TSGA10: variants seen among roughly 807,000 people sequenced by gnomAD.
TSGA10 encodes the protein testis specific 10.
A neutral mutation model predicts 96.6 loss-of-function variants in TSGA10; 43 were observed. That is an observed-to-expected ratio of 0.44 (90% confidence interval 0.35 to 0.57). The LOEUF (loss-of-function observed/expected upper bound fraction) is 0.57, where lower values mean the gene tolerates loss of function less well. Ranked by LOEUF, TSGA10 falls within the 20% of genes least tolerant of loss-of-function variation. The pLI is 0.01. For missense variants in TSGA10, 703 were observed against 834.4 expected (o/e 0.84, Z 1.94); for synonymous variants, 229 against 269.9 (o/e 0.85, Z 1.48).
At chr2:99,059,893 G>A (rs1239340468) in intron 16 of TSGA10, among the ~76,000 whole-genome samples, 6 of 132,492 alleles carry the variant, frequency 4.5e-5, no homozygotes, top group South Asian at 4.8e-4. Flanking sequence ...CAGCCTGGGC[G>A]ACAGAGCGAG....
chr2:99,100,925 G>A (rs1455532047), intron 10 of TSGA10, among the ~76,000 whole-genome samples: 3 of 131,514 alleles, frequency 2.3e-5, no homozygotes, highest in Non-Finnish European at 3.2e-5. Flanking sequence ...TATTTTCTCA[G>A]TTAAAAAAAA....
At chr2:99,094,986 T>C (rs1285529763) in intron 10 of TSGA10, among the ~76,000 whole-genome samples, 1 of 152,146 alleles carries the variant, frequency 6.6e-6, no homozygotes, top group Admixed American at 6.6e-5. Flanking sequence ...TTCAAAAATA[T>C]GGAACCAGCC....
chr2:99,074,274 A>G (rs569413540), intron 12 of TSGA10, among the ~76,000 whole-genome samples: 1 of 151,856 alleles, frequency 6.6e-6, no homozygotes, highest in South Asian at 2.1e-4. Context: ...TCGGCCTCCC[A>G]AAGTGCTGGG....
intron 17 of TSGA10, among the ~76,000 whole-genome samples, chr2:99,021,998 A>G (rs2080065198): frequency 6.6e-6 from 1 of 152,084 alleles, no homozygotes; most frequent in African/African-American, 2.4e-5. Context: ...AATCGTTACC[A>G]CAATCTAATG....
intron 1 of TSGA10, among the ~76,000 whole-genome samples, chr2:99,139,209 G>A (rs1285474458): frequency 6.6e-6 from 1 of 152,058 alleles, no homozygotes; most frequent in Non-Finnish European, 1.5e-5. Flanking sequence ...GCTGCAATGA[G>A]TCATGATCGC....
intron 16 of TSGA10, among the ~76,000 whole-genome samples, chr2:99,047,867 G>T (rs964941892): frequency 3.3e-5 from 5 of 152,176 alleles, no homozygotes; most frequent in African/African-American, 1.2e-4. Flanking sequence ...AGCAACTTCA[G>T]CAAAGTCTCA....
chr2:99,032,433 C>T (rs1391717864), intron 17 of TSGA10, among the ~76,000 whole-genome samples: 1 of 152,198 alleles, frequency 6.6e-6, no homozygotes, highest in African/African-American at 2.4e-5. Context: ...TCACATTCTC[C>T]AAGTCTACTT....
intron 16 of TSGA10, among the ~76,000 whole-genome samples, chr2:99,056,816 C>CAAAAA (rs747141525): frequency 1.3e-5 from 1 of 75,650 alleles, no homozygotes; most frequent in African/African-American, 4.9e-5. Flanking sequence ...CAAAATCCTT[C>CAAAAA]AAAAAAAAAA....
chr2:99,151,975 G>C (rs973661235), intron 1 of TSGA10, among the ~76,000 whole-genome samples: 1 of 152,106 alleles, frequency 6.6e-6, no homozygotes, highest in African/African-American at 2.4e-5. Context: ...TGTTTGTAGG[G>C]AATATTGAGA....
chr2:99,098,451 A>G (rs11674825), intron 10 of TSGA10, among the ~76,000 whole-genome samples: 36,052 of 125,942 alleles, frequency 0.29, 5,119 homozygotes, highest in East Asian at 0.57. Context: ...AAAAAAAAAA[A>G]AAAAGAAAAG....
At chr2:99,003,478 C>G (rs2078159293) in intron 20 of TSGA10, among the ~76,000 whole-genome samples, 1 of 152,150 alleles carries the variant, frequency 6.6e-6, no homozygotes, top group East Asian at 1.9e-4. Flanking sequence ...ACTCTCCAAC[C>G]CAAATAAAAA....
intron 13 of TSGA10, 106 bp downstream of exon 13, chr2:99,072,912 C>A: frequency 1.4e-6 from 1 of 731,440 alleles, no homozygotes; most frequent in Non-Finnish European, 2.3e-6. Context: ...AGAGAGTTAG[C>A]ACCTTACACG....
chr2:99,056,479 A>T (rs2084005029), intron 16 of TSGA10, among the ~76,000 whole-genome samples: 1 of 152,216 alleles, frequency 6.6e-6, no homozygotes. Context: ...AAATTCCTAG[A>T]AAACACAAAC....
At chr2:99,070,004 C>T (rs752571978) in intron 14 of TSGA10, among the ~76,000 whole-genome samples, 2 of 151,964 alleles carry the variant, frequency 1.3e-5, no homozygotes, top group Admixed American at 6.6e-5. Flanking sequence ...TCCACTTTCT[C>T]GTCTTCTGCA....
intron 1 of TSGA10, among the ~76,000 whole-genome samples, chr2:99,134,954 C>A (rs984023183): frequency 1.3e-5 from 2 of 152,218 alleles, no homozygotes; most frequent in Non-Finnish European, 2.9e-5. Context: ...CTGCCTGTTT[C>A]TTCCTCTGAA....
chr2:99,006,496 A>T (rs944012406), intron 20 of TSGA10, among the ~76,000 whole-genome samples: 3 of 152,270 alleles, frequency 2.0e-5, no homozygotes, highest in African/African-American at 7.2e-5. Context: ...ATATGAACAG[A>T]TACTTCTCAA....
At chr2:99,050,072 T>C (rs1417443804) in intron 16 of TSGA10, among the ~76,000 whole-genome samples, 1 of 152,054 alleles carries the variant, frequency 6.6e-6, no homozygotes, top group African/African-American at 2.4e-5. Context: ...ACAAAGAACG[T>C]GGGTGGGAGC....
At chr2:99,081,509 AT>A in intron 10 of TSGA10, 112 bp from the exon 11 acceptor site, 1 of 430,858 alleles carries the variant, frequency 2.3e-6, no homozygotes, top group Non-Finnish European at 4.1e-6. Context: ...TCCTCTTAAT[AT>A]TTTTATACAG....
intron 10 of TSGA10, among the ~76,000 whole-genome samples, chr2:99,101,121 C>T (rs564822948): frequency 6.7e-6 from 1 of 150,302 alleles, no homozygotes; most frequent in South Asian, 2.1e-4. Context: ...AAAAATCAGC[C>T]GGGCGTGGTG....
Sources: allele counts gnomAD v4.1 joint callset (sites outside exome capture counted in the v4.1 genomes callset), GRCh38; gene constraint gnomAD v4.1.1; transcripts MANE v1.5; gene names NCBI Gene and HGNC (gene_info 2026-07-23, HGNC 2026-07-21).